Variants in TTC7A observed in about 807,000 individuals in gnomAD.
TTC7A encodes the protein tetratricopeptide repeat protein 7A.
Under a neutral mutation model 103.7 loss-of-function variants are expected in TTC7A, and 110 were observed. The observed-to-expected ratio is 1.06, with a 90% CI of 0.91 to 1.24. The LOEUF is 1.24. Ranked by LOEUF, TTC7A falls within the 50% of genes most tolerant of loss-of-function variation. The probability of loss-of-function intolerance (pLI) is 0.00; values close to 1 mark genes in which losing one functional copy is unlikely to be tolerated. For missense variants in TTC7A, 1,340 were observed against 1,116.3 expected (o/e 1.20, Z -2.86); for synonymous variants, 521 against 467.9 (o/e 1.11, Z -1.47).
At chr2:46,931,031 A>C (rs895416832) in intron 2 of TTC7A, among the ~76,000 whole-genome samples, 1 of 152,236 alleles carries the variant, frequency 6.6e-6, no homozygotes, top group Non-Finnish European at 1.5e-5. Flanking sequence ...TCTAAACAAA[A>C]CATTTTATTA....
intron 18 of TTC7A, 139 bp from the exon 19 acceptor site, chr2:47,060,630 G>A: frequency 5.5e-6 from 4 of 721,556 alleles, no homozygotes; most frequent in East Asian, 5.4e-5. Flanking sequence ...CCTATAGTCA[G>A]TGTGTCCCAT....
intron 8 of TTC7A, among the ~76,000 whole-genome samples, chr2:47,003,696 C>G (rs182280197): frequency 6.6e-6 from 1 of 152,318 alleles, no homozygotes; most frequent in Admixed American, 6.5e-5. Flanking sequence ...CTCTTGCTTC[C>G]ACCAGAATTC....
intron 3 of TTC7A, among the ~76,000 whole-genome samples, chr2:46,958,799 C>T (rs188163608): frequency 1.3e-5 from 2 of 152,266 alleles, no homozygotes; most frequent in South Asian, 2.1e-4. Flanking sequence ...TTGGGGGATC[C>T]GGTGGGTCTT....
At chr2:46,991,625 G>A (rs534242936) in intron 5 of TTC7A, among the ~76,000 whole-genome samples, 1 of 152,308 alleles carries the variant, frequency 6.6e-6, no homozygotes, top group East Asian at 1.9e-4. Flanking sequence ...GAAGAAGGAA[G>A]ATATAAGGAA....
At position 47,049,905 on chromosome 2, in the gene TTC7A, T is replaced by C. The variant is rs1049550295; in HGVS notation, c.1920-44T>C. The C allele has an allele frequency of 1.2e-5, 18 of 1,492,092 alleles. No homozygotes were observed. In the Admixed American group the frequency reaches 2.5e-4, roughly 21 times the overall value. 92.4% of individuals were successfully genotyped at this position (1,492,092 alleles called of 1,614,324 possible). A position where few individuals can be genotyped will look rare whatever the true frequency, so the allele number is the denominator to read the frequency against. ...TCTACCTCACTGGGCCCTGTGATGCTAGCCCTCTACCTTACCGGACCCTGG... is the reference window on the plus strand; with the variant it reads ...TCTACCTCACTGGGCCCTGTGATGCCAGCCCTCTACCTTACCGGACCCTGG... On this transcript the variant is annotated intron_variant, in intron 16 of 19. Transcript: ENST00000319190.
At chr2:46,939,757 T>A (rs1167369604), upstream of TTC7A, among the ~76,000 whole-genome samples, 1 of 151,996 alleles carries the variant, frequency 6.6e-6, no homozygotes, top group Non-Finnish European at 1.5e-5. Flanking sequence ...ATCCAACCGC[T>A]CTCTCCAAGT....
intron 3 of TTC7A, among the ~76,000 whole-genome samples, chr2:46,969,841 G>A (rs1394471834): frequency 7.9e-5 from 12 of 152,204 alleles, no homozygotes; most frequent in Non-Finnish European, 1.8e-4. Flanking sequence ...TCACTGGGGT[G>A]CAAAGATCAG....
At chr2:46,960,736 A>T (rs1479513949) in intron 3 of TTC7A, among the ~76,000 whole-genome samples, 3 of 152,244 alleles carry the variant, frequency 2.0e-5, no homozygotes, top group Non-Finnish European at 2.9e-5. Flanking sequence ...GAGGAAGTTC[A>T]CGCAGCCTAT....
At chr2:47,062,088 C>T (rs768984166) in intron 19 of TTC7A, among the ~76,000 whole-genome samples, 9 of 152,138 alleles carry the variant, frequency 5.9e-5, no homozygotes, top group Non-Finnish European at 1.0e-4. Context: ...CTGATTTGTC[C>T]GTGAGGAGAA....
At chr2:46,996,898 C>T (rs1435906642) in intron 8 of TTC7A, among the ~76,000 whole-genome samples, 2 of 152,170 alleles carry the variant, frequency 1.3e-5, no homozygotes, top group Non-Finnish European at 2.9e-5. Flanking sequence ...GCCATTTCAC[C>T]ACGTTCACCC....
At chr2:46,973,674 T>TG (rs1673579764) in intron 3 of TTC7A, among the ~76,000 whole-genome samples, 1 of 152,334 alleles carries the variant, frequency 6.6e-6, no homozygotes, top group East Asian at 1.9e-4. Flanking sequence ...CACAGGCAGC[T>TG]GAGTCCCTAT....
intron 15 of TTC7A, among the ~76,000 whole-genome samples, chr2:47,037,740 C>T (rs1681267546): frequency 6.6e-6 from 1 of 152,172 alleles, no homozygotes; most frequent in Non-Finnish European, 1.5e-5. Flanking sequence ...GATAGAAACT[C>T]ATGATTCCCC....
At chr2:47,027,283 G>A (rs1419835622) in intron 14 of TTC7A, among the ~76,000 whole-genome samples, 3 of 152,174 alleles carry the variant, frequency 2.0e-5, no homozygotes, top group Non-Finnish European at 2.9e-5. Flanking sequence ...CCTGCCGTGC[G>A]CCTGGACCCA....
In TTC7A at chr2:46,941,949, T is replaced by G. The variant is rs144926609; in HGVS notation, c.184+224T>G. The G allele has an allele frequency of 2.8e-4, 173 of 608,150 alleles. No homozygotes were observed. In the East Asian group the frequency reaches 4.6e-3, roughly 16 times the overall value. 37.7% of individuals were successfully genotyped at this position (608,150 alleles called of 1,614,324 possible). ...GAAGAGAAACGGCTTTTGCTCTGTG[T>G]CCTTTAGGATAATGTGGCTAACTCT... On this transcript the variant is annotated intron_variant, in intron 1 of 19. Transcript: ENST00000319190. This position sits in a 1 kb window ranked among gnomAD's most constrained non-coding sequence, Gnocchi z 4.2.
chr2:47,059,853 AGTG>A (rs1683624159), intron 18 of TTC7A, among the ~76,000 whole-genome samples: 1 of 151,994 alleles, frequency 6.6e-6, no homozygotes, highest in South Asian at 2.1e-4. Context: ...GCCCCTCTAA[AGTG>A]GGGTAATAAA....
At chr2:46,967,670 A>T (rs2104144488) in intron 3 of TTC7A, among the ~76,000 whole-genome samples, 1 of 152,224 alleles carries the variant, frequency 6.6e-6, no homozygotes, top group East Asian at 1.9e-4. Context: ...GTCAATGGAC[A>T]CTTGGGTTGC....
chr2:46,985,925 A>G (rs1304314336), intron 5 of TTC7A, among the ~76,000 whole-genome samples: 3 of 152,196 alleles, frequency 2.0e-5, no homozygotes, highest in East Asian at 1.9e-4. Context: ...TAACTTCATC[A>G]TGGGACTCTG....
chr2:46,919,107 G>T (rs1668966895), intron 2 of TTC7A, among the ~76,000 whole-genome samples: 1 of 152,220 alleles, frequency 6.6e-6, no homozygotes, highest in Non-Finnish European at 1.5e-5. Flanking sequence ...CTATGTAGGG[G>T]ATTCCAGAGT....
At chr2:47,029,076 A>G (rs1680224420) in intron 14 of TTC7A, 148 bp from the exon 15 acceptor site, 2 of 808,358 alleles carry the variant, frequency 2.5e-6, no homozygotes, top group Admixed American at 2.4e-5. Context: ...CATCTGGGGC[A>G]GGTGTTTTCT....
Sources: gnomAD v4.1 joint callset for allele counts (sites outside exome capture counted in the v4.1 genomes callset) on GRCh38, gnomAD v4.1.1 for gene constraint, Gnocchi (gnomAD v3.1) non-coding constraint, MANE v1.5 for transcripts, NCBI Gene and HGNC (gene_info 2026-07-23, HGNC 2026-07-21) for gene names.